The following NXPH2 variants were observed in gnomAD, a reference collection of about 807,000 sequenced individuals.
NXPH2 encodes the protein neurexophilin 2, also known as neurexophilin-2.
Under a neutral mutation model 19.8 loss-of-function variants are expected in NXPH2, and 5 were observed. The observed-to-expected ratio is 0.25, with a 90% CI of 0.13 to 0.53. The LOEUF is 0.53. Ranked by LOEUF, NXPH2 falls within the 20% of genes least tolerant of loss-of-function variation. NXPH2 has a pLI of 0.96. For missense variants in NXPH2, 289 were observed against 322.8 expected (o/e 0.90, Z 0.80); for synonymous variants, 154 against 127.4 (o/e 1.21, Z -1.41).
intron 1 of NXPH2, among the ~76,000 whole-genome samples, chr2:138,754,480 A>C (rs1183329724): frequency 6.6e-6 from 1 of 152,174 alleles, no homozygotes; most frequent in Non-Finnish European, 1.5e-5. Flanking sequence ...AGCAGTGTGC[A>C]TTAAAGGTTC....
At chr2:138,703,387 A>C (rs1422640146) in intron 1 of NXPH2, among the ~76,000 whole-genome samples, 1 of 152,182 alleles carries the variant, frequency 6.6e-6, no homozygotes, top group African/African-American at 2.4e-5. Flanking sequence ...CAGCTGACAG[A>C]TGTTTGAAGG....
chr2:138,775,356 C>A (rs1682245090), intron 1 of NXPH2, among the ~76,000 whole-genome samples: 1 of 152,034 alleles, frequency 6.6e-6, no homozygotes, highest in Non-Finnish European at 1.5e-5. Flanking sequence ...TCTTAAAATT[C>A]TTTCTTTAAT....
At chr2:138,737,931 T>A (rs1382643936) in intron 1 of NXPH2, among the ~76,000 whole-genome samples, 1 of 152,030 alleles carries the variant, frequency 6.6e-6, no homozygotes, top group African/African-American at 2.4e-5. Context: ...TTTTTTTTAA[T>A]TATACTTTAA....
At chr2:138,724,804 A>G (rs1250142884) in intron 1 of NXPH2, among the ~76,000 whole-genome samples, 2 of 152,230 alleles carry the variant, frequency 1.3e-5, no homozygotes, top group African/African-American at 4.8e-5. Context: ...AGTTAATTAA[A>G]CAAACAGCAA....
At chr2:138,760,898 C>A (rs1031051780) in intron 1 of NXPH2, among the ~76,000 whole-genome samples, 4 of 152,066 alleles carry the variant, frequency 2.6e-5, no homozygotes, top group Non-Finnish European at 4.4e-5. Flanking sequence ...GGTGGGAGAA[C>A]AATCATTTCA....
intron 1 of NXPH2, among the ~76,000 whole-genome samples, chr2:138,685,539 C>T (rs1273336022): frequency 6.6e-6 from 1 of 152,200 alleles, no homozygotes; most frequent in Non-Finnish European, 1.5e-5. Context: ...ATTTAATACG[C>T]TTAACCTACT....
At chr2:138,675,755 A>T (rs1390490944) in intron 1 of NXPH2, among the ~76,000 whole-genome samples, 3 of 152,190 alleles carry the variant, frequency 2.0e-5, no homozygotes, top group African/African-American at 7.2e-5. Context: ...ATTTGAAATG[A>T]AATTAGATTT....
chr2:138,769,879 TCTTACAAAACAA>T (rs1440362207), intron 1 of NXPH2, among the ~76,000 whole-genome samples: 20 of 152,202 alleles, frequency 1.3e-4, no homozygotes, highest in African/African-American at 4.3e-4. Flanking sequence ...TAGCTACCAT[TCTTACAAAACAA>T]TTAATATAAT....
chr2:138,726,551 CACACACA>C (rs1681362824), intron 1 of NXPH2, among the ~76,000 whole-genome samples: 2 of 151,876 alleles, frequency 1.3e-5, no homozygotes, highest in Middle Eastern at 3.4e-3. Context: ...CACACACACA[CACACACA>C]CCCTCCAACA....
chr2:138,779,625 A>G (rs1682319339), intron 1 of NXPH2, among the ~76,000 whole-genome samples: 1 of 152,060 alleles, frequency 6.6e-6, no homozygotes. Flanking sequence ...CCCAGTCCCT[A>G]GCGCCAGACG....
At chr2:138,764,644 ACTATCTAT>A (rs201627582) in intron 1 of NXPH2, among the ~76,000 whole-genome samples, 1 of 152,114 alleles carries the variant, frequency 6.6e-6, no homozygotes, top group Non-Finnish European at 1.5e-5. Flanking sequence ...ATATAATAGG[ACTATCTAT>A]CTATCTATCT....
chr2:138,776,754 A>G (rs1055424623), intron 1 of NXPH2, among the ~76,000 whole-genome samples: 3 of 152,128 alleles, frequency 2.0e-5, no homozygotes, highest in African/African-American at 4.8e-5. Flanking sequence ...GATAGTAAAG[A>G]GTTATCAATT....
At chr2:138,707,107 A>AAAAAAAAACAAAAAAAACAAAAAAAAAAC (rs1558918445) in intron 1 of NXPH2, among the ~76,000 whole-genome samples, 1 of 146,534 alleles carries the variant, frequency 6.8e-6, no homozygotes, top group African/African-American at 2.5e-5. Flanking sequence ...AAAAAAAAAA[A>AAAAAAAAACAAAAAAAACAAAAAAAAAAC]AAAAAGAGCA....
chr2:138,738,358 A>G (rs569460573), intron 1 of NXPH2, among the ~76,000 whole-genome samples: 7 of 152,304 alleles, frequency 4.6e-5, no homozygotes, highest in African/African-American at 1.7e-4. Flanking sequence ...AACGAATGAC[A>G]CTTGGTGGAC....
intron 1 of NXPH2, among the ~76,000 whole-genome samples, chr2:138,678,608 G>A (rs1680522263): frequency 6.6e-6 from 1 of 151,662 alleles, no homozygotes; most frequent in South Asian, 2.1e-4. Flanking sequence ...AAATTATCCT[G>A]GCAATTTTAC....
At chr2:138,685,990 A>G (rs1012567823) in intron 1 of NXPH2, among the ~76,000 whole-genome samples, 7 of 152,156 alleles carry the variant, frequency 4.6e-5, no homozygotes. Context: ...CCCTCTTATG[A>G]TGTCTGATTT....
chr2:138,689,147 A>G (rs1439884924), intron 1 of NXPH2, among the ~76,000 whole-genome samples: 1 of 152,150 alleles, frequency 6.6e-6, no homozygotes, highest in Non-Finnish European at 1.5e-5. Flanking sequence ...AAACGACCAT[A>G]TCATGTTTCT....
At chr2:138,758,427 A>G (rs57795074) in intron 1 of NXPH2, among the ~76,000 whole-genome samples, 617 of 152,284 alleles carry the variant, frequency 4.1e-3, no homozygotes, top group African/African-American at 0.014. Context: ...TTTACAGGGA[A>G]GTAATTGAGC....
At chr2:138,687,667 T>G (rs756386577) in intron 1 of NXPH2, among the ~76,000 whole-genome samples, 28 of 152,382 alleles carry the variant, frequency 1.8e-4, no homozygotes, top group Non-Finnish European at 2.9e-4. Context: ...GTTTTATGGC[T>G]TTAGGTCTAA....
Sources: gnomAD v4.1 joint callset for allele counts (sites outside exome capture counted in the v4.1 genomes callset) on GRCh38, gnomAD v4.1.1 for gene constraint, MANE v1.5 for transcripts, NCBI Gene and HGNC (gene_info 2026-07-23, HGNC 2026-07-21) for gene names.